The following FHOD3 variants were observed in gnomAD, a reference collection of about 807,000 sequenced individuals.
FHOD3 encodes the protein formin homology 2 domain containing 3.
Under a neutral mutation model 173.0 loss-of-function variants are expected in FHOD3, and 90 were observed. That is an observed-to-expected ratio of 0.52 (90% confidence interval 0.44 to 0.62). The LOEUF is 0.62. Among genes scored for constraint, FHOD3 ranks in the 20% least tolerant of loss-of-function variants. FHOD3 has a pLI of 0.00. For missense variants in FHOD3, 1,945 were observed against 2,034.7 expected (o/e 0.96, Z 0.85); for synonymous variants, 828 against 823.0 (o/e 1.01, Z -0.10).
intron 3 of FHOD3, among the ~76,000 whole-genome samples, chr18:36,406,354 T>G (rs948994869): frequency 2.0e-5 from 3 of 152,246 alleles, no homozygotes; most frequent in Admixed American, 6.5e-5. Flanking sequence ...TTATTACTCT[T>G]ACGTTTTTGA....
intron 10 of FHOD3, among the ~76,000 whole-genome samples, chr18:36,638,370 T>C (rs1047465785): frequency 6.6e-6 from 1 of 152,094 alleles, no homozygotes; most frequent in African/African-American, 2.4e-5. Context: ...ACAGGTGGCA[T>C]AGGGTGGAGA....
At chr18:36,606,110 G>A (rs573826275) in intron 8 of FHOD3, among the ~76,000 whole-genome samples, 2 of 152,256 alleles carry the variant, frequency 1.3e-5, no homozygotes, top group South Asian at 4.2e-4. Flanking sequence ...TTGTTCAGTG[G>A]GGCTAGGGGA....
intron 8 of FHOD3, among the ~76,000 whole-genome samples, chr18:36,602,990 G>A (rs1342542472): frequency 6.6e-6 from 1 of 152,152 alleles, no homozygotes; most frequent in African/African-American, 2.4e-5. Flanking sequence ...AGCCACAAGA[G>A]GACAGGCAGA....
chr18:36,361,483 C>T (rs1039381617), intron 2 of FHOD3, among the ~76,000 whole-genome samples: 9 of 151,926 alleles, frequency 5.9e-5, no homozygotes, highest in Admixed American at 5.3e-4. Flanking sequence ...GTTAGGAGTT[C>T]GCTACCAGCC....
rs567109974 is a variant in FHOD3, at chr18:36,374,944, G to T, written c.337+2200G>T. The stretch of plus-strand genomic sequence containing the variant: ...TTATGTCAGATGAGAGGATTTGGCC[G>T]TATAAACTAACAGCAACACCTAAAA... On this transcript the variant is annotated intron_variant, in intron 3 of 28. Transcript: ENST00000590592. 5.9e-5 allele frequency among the ~76,000 whole-genome samples: 9 copies of T among 152,288 alleles called. No individual in the cohort carries two copies. In the South Asian group the frequency reaches 1.2e-3, roughly 21 times the overall value.
chr18:36,335,296 C>T (rs1598747793), intron 1 of FHOD3, among the ~76,000 whole-genome samples: 1 of 151,714 alleles, frequency 6.6e-6, no homozygotes, highest in Non-Finnish European at 1.5e-5. Context: ...GAGATCGAGA[C>T]CATCCTGGCT....
At chr18:36,573,300 A>G (rs1399416356) in intron 5 of FHOD3, among the ~76,000 whole-genome samples, 2 of 152,110 alleles carry the variant, frequency 1.3e-5, no homozygotes, top group Non-Finnish European at 1.5e-5. Flanking sequence ...TCTTCTTTGT[A>G]TGCATGAAGA....
At chr18:36,742,604 G>A in intron 21 of FHOD3, 133 bp from the exon 22 acceptor site, 1 of 974,084 alleles carries the variant, frequency 1.0e-6, no homozygotes, top group Non-Finnish European at 1.5e-6. Flanking sequence ...ATACCTAGGA[G>A]CAATGCCCAT....
intron 3 of FHOD3, among the ~76,000 whole-genome samples, chr18:36,455,568 C>A (rs367779484): frequency 2.6e-5 from 3 of 116,634 alleles, no homozygotes; most frequent in East Asian, 2.5e-4. Context: ...GTTCATTAAA[C>A]CTTTAATTAA....
chr18:36,670,614 T>C (rs966028845), intron 14 of FHOD3, among the ~76,000 whole-genome samples: 1 of 152,238 alleles, frequency 6.6e-6, no homozygotes, highest in African/African-American at 2.4e-5. Context: ...ATAACTGTTT[T>C]ATCATTCTCC....
chr18:36,383,930 C>G (rs980263154), intron 3 of FHOD3, among the ~76,000 whole-genome samples: 3 of 152,214 alleles, frequency 2.0e-5, no homozygotes, highest in Non-Finnish European at 4.4e-5. Context: ...GGAGCACTTA[C>G]TGTGCTCCAG....
intron 17 of FHOD3, among the ~76,000 whole-genome samples, chr18:36,706,575 C>T (rs934805032): frequency 9.8e-5 from 15 of 152,324 alleles, no homozygotes; most frequent in Admixed American, 3.9e-4. Context: ...GGGCCAGAGC[C>T]GCTGCTTGGG....
In FHOD3 at chr18:36,779,906, C is replaced by T. The variant is rs2043958658; in HGVS notation, c.*376C>T. ...AGCTTCACAGACTGAGTCTCCACAA[C>T]ACCAAAATATCCAGATGTAAACCCC... On this transcript the variant is annotated 3_prime_UTR_variant, in exon 29 of 29. Transcript: ENST00000590592. The T allele has an allele frequency of 9.4e-6, 4 of 424,826 alleles. No homozygotes were observed. Among genetic ancestry groups the T allele is most frequent in the Admixed American group, 8.1e-5 (2 of 24,570 alleles). The allele number at this position is 424,826 out of a possible 1,614,324, so 26.3% of individuals were successfully genotyped here. A position where few individuals can be genotyped will look rare whatever the true frequency, so the allele number is the denominator to read the frequency against.
intron 5 of FHOD3, among the ~76,000 whole-genome samples, chr18:36,519,614 G>A (rs1226430539): frequency 1.3e-5 from 2 of 152,224 alleles, no homozygotes; most frequent in Non-Finnish European, 2.9e-5. Context: ...CATGGGTCAA[G>A]TGGGCAAGGA....
chr18:36,743,053 G>A (rs1027060791), intron 22 of FHOD3, among the ~76,000 whole-genome samples, 197 bp downstream of exon 22: 13 of 152,214 alleles, frequency 8.5e-5, no homozygotes, highest in Admixed American at 8.5e-4. Context: ...GCTCACACCT[G>A]TAATCCCAGG....
At chr18:36,299,840 A>T (rs2091912315) in intron 1 of FHOD3, among the ~76,000 whole-genome samples, 2 of 152,202 alleles carry the variant, frequency 1.3e-5, no homozygotes, top group Admixed American at 1.3e-4. Context: ...TTTTGCCCGA[A>T]GACCCCTGCA....
chr18:36,618,310 G>GTTTTTTT lies in FHOD3; in HGVS notation c.957+6215_957+6216insTTTTTTT, dbSNP rs1465774220. On this transcript the variant is annotated intron_variant, in intron 9 of 28. Coordinates refer to ENST00000590592, the MANE Select transcript of FHOD3 (RefSeq NM_001281740.3). ...CCATTTGGTAATGATGTTTTTTGGT[G>GTTTTTTT]GTTTTTTTTTTTTTTTTTTTTTTGA... Among the ~76,000 whole-genome samples, 41 of 85,234 alleles carry GTTTTTTT rather than the reference G, an allele frequency of 4.8e-4. 1 individual carries two copies. Among genetic ancestry groups the GTTTTTTT allele is most frequent in the African/African-American group, 1.0e-3 (25 of 24,686 alleles). 55.9% of individuals were successfully genotyped at this position (85,234 alleles called of 152,430 possible).
intron 3 of FHOD3, among the ~76,000 whole-genome samples, chr18:36,420,660 T>A (rs1285972480): frequency 1.3e-5 from 2 of 152,198 alleles, no homozygotes; most frequent in African/African-American, 4.8e-5. Context: ...TAGGATTTTT[T>A]AAGAGCAGTG....
At chr18:36,380,812 TAA>T (rs1265098089) in intron 3 of FHOD3, among the ~76,000 whole-genome samples, 1 of 151,854 alleles carries the variant, frequency 6.6e-6, no homozygotes, top group African/African-American at 2.4e-5. Context: ...CCTCAGCCAT[TAA>T]AAAAAGTCAC....
Sources: gnomAD v4.1 joint callset for allele counts (sites outside exome capture counted in the v4.1 genomes callset) on GRCh38, gnomAD v4.1.1 for gene constraint, MANE v1.5 for transcripts, NCBI Gene and HGNC (gene_info 2026-07-23, HGNC 2026-07-21) for gene names.